The following NRXN1 variants were observed in gnomAD, a reference collection of about 807,000 sequenced individuals.
NRXN1 encodes the protein neurexin-1.
Under a neutral mutation model 150.9 loss-of-function variants are expected in NRXN1, and 39 were observed. The ratio of observed to expected loss-of-function variants is 0.26; its 90% confidence interval spans 0.20 to 0.34. The LOEUF is 0.34. NRXN1 is among the 10% of genes least tolerant of loss of function. The probability of loss-of-function intolerance (pLI) is 1.00; values close to 1 mark genes in which losing one functional copy is unlikely to be tolerated. For synonymous variants in NRXN1, 924 were observed against 757.0 expected (o/e 1.22, Z -3.62); for missense variants, 1,815 against 1,949.9 (o/e 0.93, Z 1.30).
chr2:50,523,448 T>G (rs1404946417), intron 12 of NRXN1, among the ~76,000 whole-genome samples: 1 of 152,160 alleles, frequency 6.6e-6, no homozygotes, highest in Non-Finnish European at 1.5e-5. Context: ...GACTCTAAAC[T>G]GAATATTTAC....
At chr2:50,807,908 A>C (rs1667720194) in intron 5 of NRXN1, among the ~76,000 whole-genome samples, 1 of 152,174 alleles carries the variant, frequency 6.6e-6, no homozygotes. Context: ...AACCTAATGA[A>C]TATGCCAAAC....
intron 19 of NRXN1, among the ~76,000 whole-genome samples, chr2:50,070,719 G>A (rs991565974): frequency 6.7e-4 from 95 of 140,744 alleles, no homozygotes; most frequent in African/African-American, 2.3e-3. Flanking sequence ...GCAGTGAGCC[G>A]AGATCCCGCC....
chr2:50,927,603 A>G (rs1687097268), intron 2 of NRXN1, among the ~76,000 whole-genome samples: 1 of 152,026 alleles, frequency 6.6e-6, no homozygotes, highest in South Asian at 2.1e-4. Flanking sequence ...TATATTGGAC[A>G]TAATACAAAG....
intron 17 of NRXN1, among the ~76,000 whole-genome samples, chr2:50,340,123 AATG>A (rs573973425): frequency 9.3e-4 from 141 of 152,276 alleles, no homozygotes; most frequent in Non-Finnish European, 1.8e-3. Flanking sequence ...TTGTCAGCAA[AATG>A]ATGATCATAA....
At chr2:50,571,482 C>G (rs1670651403) in intron 8 of NRXN1, among the ~76,000 whole-genome samples, 1 of 152,130 alleles carries the variant, frequency 6.6e-6, no homozygotes, top group Non-Finnish European at 1.5e-5. Flanking sequence ...GTCTAGTGTA[C>G]TATCTCTGTC....
rs543788551 is a variant in NRXN1 at position 50,057,345 on chromosome 2, T to C, written c.3719-2301A>G. 1.2e-4 allele frequency among the ~76,000 whole-genome samples: 19 copies of C among 152,310 alleles called. 1 individual carries two copies. Among genetic ancestry groups the C allele is most frequent in the African/African-American group, 4.3e-4 (18 of 41,568 alleles). ...CTTTATGGAAAATACTCTCCCTTGT[T>C]CCCACCTCATCTCTATCTTTCATTA... is the stretch of plus-strand genomic sequence containing the variant. On this transcript the variant is annotated intron_variant, in intron 19 of 22. Transcript: ENST00000401669.
intron 18 of NRXN1, among the ~76,000 whole-genome samples, chr2:50,161,285 T>C (rs958154340): frequency 2.6e-5 from 4 of 152,130 alleles, no homozygotes; most frequent in African/African-American, 9.7e-5. Context: ...GGATTTTAAC[T>C]GAATTTCCAT....
chr2:50,311,431 T>A (rs988810590), intron 17 of NRXN1, among the ~76,000 whole-genome samples: 3 of 152,032 alleles, frequency 2.0e-5, no homozygotes, highest in African/African-American at 7.2e-5. Flanking sequence ...GGAGTACAAG[T>A]TTTAGTTATC....
intron 8 of NRXN1, among the ~76,000 whole-genome samples, chr2:50,606,022 G>A (rs1677053910): frequency 6.6e-6 from 1 of 152,054 alleles, no homozygotes; most frequent in Non-Finnish European, 1.5e-5. Context: ...GCCAAGGCAG[G>A]CAGATCGCTT....
At chr2:50,913,212 G>C (rs1329938767) in intron 5 of NRXN1, among the ~76,000 whole-genome samples, 1 of 151,784 alleles carries the variant, frequency 6.6e-6, no homozygotes, top group African/African-American at 2.4e-5. Context: ...GAGTTTAGAG[G>C]AAGATTTCTG....
intron 17 of NRXN1, among the ~76,000 whole-genome samples, chr2:50,254,653 T>C (rs1175418604): frequency 1.3e-5 from 2 of 150,528 alleles, no homozygotes; most frequent in Non-Finnish European, 2.9e-5. Flanking sequence ...GGTGGTTTTA[T>C]GCTTAGTAGA....
intron 21 of NRXN1, among the ~76,000 whole-genome samples, chr2:49,952,105 T>C (rs1401863686): frequency 6.6e-6 from 1 of 152,028 alleles, no homozygotes; most frequent in East Asian, 1.9e-4. Flanking sequence ...TGCTAGTTAA[T>C]GGCAAATCTA....
intron 15 of NRXN1, among the ~76,000 whole-genome samples, chr2:50,474,678 A>C (rs1169614372): frequency 2.5e-5 from 3 of 121,796 alleles, no homozygotes; most frequent in Non-Finnish European, 3.4e-5. Flanking sequence ...CTGGCACAGA[A>C]ATAGCAAAAA....
At chr2:50,170,508 G>C (rs374068776) in intron 18 of NRXN1, among the ~76,000 whole-genome samples, 15 of 152,192 alleles carry the variant, frequency 9.9e-5, no homozygotes, top group East Asian at 5.8e-4. Context: ...TGTTGACCAT[G>C]CTGGTCTCAT....
chr2:50,335,089 A>G lies in NRXN1; in HGVS notation c.3365-98119T>C, dbSNP rs150284878. Among the ~76,000 whole-genome samples the G allele has an allele frequency of 1.1e-3, 172 of 152,314 alleles. 3 individuals are homozygous for G. In the East Asian group the frequency reaches 0.03, roughly 26 times the overall value. ...ATAAAGTTGCTTCAAACTAGCATGA[A>G]ATTTTGTCTAATACACAGTCCCCAA... On this transcript the variant is annotated intron_variant, in intron 17 of 22. Transcript: ENST00000401669.
chr2:50,335,527 C>G (rs1282625323), intron 17 of NRXN1, among the ~76,000 whole-genome samples: 1 of 152,180 alleles, frequency 6.6e-6, no homozygotes, highest in African/African-American at 2.4e-5. Flanking sequence ...CTCCCCACCA[C>G]CCCCTGCCGT....
intron 15 of NRXN1, among the ~76,000 whole-genome samples, chr2:50,473,602 T>G (rs2089720730): frequency 6.6e-6 from 1 of 152,060 alleles, no homozygotes; most frequent in South Asian, 2.1e-4. Flanking sequence ...TTGAACTTTC[T>G]TTCTCATGTT....
chr2:50,392,021 T>A (rs1427609905), intron 17 of NRXN1, among the ~76,000 whole-genome samples: 1 of 152,134 alleles, frequency 6.6e-6, no homozygotes, highest in African/African-American at 2.4e-5. Context: ...TTATGAAACT[T>A]ACTTATTAAT....
intron 5 of NRXN1, among the ~76,000 whole-genome samples, chr2:50,779,545 G>C (rs944240280): frequency 2.0e-5 from 3 of 152,038 alleles, no homozygotes; most frequent in African/African-American, 7.2e-5. Flanking sequence ...AAGGCGGGTG[G>C]ATCACCAGGT....
Sources: gnomAD v4.1 joint callset for allele counts (sites outside exome capture counted in the v4.1 genomes callset) on GRCh38, gnomAD v4.1.1 for gene constraint, MANE v1.5 for transcripts, NCBI Gene and HGNC (gene_info 2026-07-23, HGNC 2026-07-21) for gene names.